WWOX: variants seen among roughly 807,000 people sequenced by gnomAD.
The protein encoded by WWOX is WW domain containing oxidoreductase.
A neutral mutation model predicts 46.2 loss-of-function variants in WWOX; 69 were observed. The observed-to-expected ratio is 1.49, with a 90% confidence interval of 1.23 to 1.82. The LOEUF is 1.82. WWOX is among the 40% of genes most tolerant of loss of function. The probability of loss-of-function intolerance (pLI) is 0.00; values close to 1 mark genes in which losing one functional copy is unlikely to be tolerated. For synonymous variants in WWOX, 359 were observed against 202.6 expected (o/e 1.77, Z -6.56); for missense variants, 919 against 542.6 (o/e 1.69, Z -6.89).
chr16:78,334,174 A>G (rs996743859), intron 5 of WWOX, among the ~76,000 whole-genome samples: 3 of 152,222 alleles, frequency 2.0e-5, no homozygotes, highest in Admixed American at 1.3e-4. Flanking sequence ...CATTCGCCTA[A>G]TGTAATGCCA....
intron 8 of WWOX, among the ~76,000 whole-genome samples, chr16:78,674,261 C>G (rs115176097): frequency 6.7e-6 from 1 of 148,616 alleles, no homozygotes; most frequent in African/African-American, 2.5e-5. Context: ...CCATCCAACT[C>G]GTTCCAACCA....
chr16:78,842,083 G>C (rs914212985), intron 8 of WWOX, among the ~76,000 whole-genome samples: 4 of 152,180 alleles, frequency 2.6e-5, no homozygotes, highest in African/African-American at 9.7e-5. Context: ...GGGTGCCTTT[G>C]TGGAAGTGTG....
At chr16:78,806,775 G>T (rs1290008641) in intron 8 of WWOX, among the ~76,000 whole-genome samples, 1 of 152,190 alleles carries the variant, frequency 6.6e-6, no homozygotes, top group Non-Finnish European at 1.5e-5. Flanking sequence ...TTTGCAGTGA[G>T]AGGAAATAGA....
Position 78,579,107 on chromosome 16 carries a change from G to C in WWOX, c.1056+146355G>C, listed in dbSNP as rs111520591. ...CATCATGTTTGGTCTCTCGTCTTTGGCTGTGTTTTTCTGTTTCTAGTTATT... is the reference window on the plus strand; with the variant it reads ...CATCATGTTTGGTCTCTCGTCTTTGCCTGTGTTTTTCTGTTTCTAGTTATT... On this transcript the variant is annotated intron_variant, in intron 8 of 8. Coordinates refer to ENST00000566780, the MANE Select transcript of WWOX (RefSeq NM_016373.4). Among the ~76,000 whole-genome samples, 629 of 152,060 alleles carry C rather than the reference G, an allele frequency of 4.1e-3. 3 individuals are homozygous for C. The highest frequency in any genetic ancestry group is 0.014 in the African/African-American group (595 of 41,452).
intron 8 of WWOX, among the ~76,000 whole-genome samples, chr16:78,715,828 C>G (rs537619465): frequency 2.4e-4 from 36 of 152,302 alleles, no homozygotes; most frequent in Admixed American, 5.2e-4. Flanking sequence ...AATCTATCAA[C>G]TCCCTTCTGC....
At chr16:78,185,047 G>T (rs1471039262) in intron 5 of WWOX, among the ~76,000 whole-genome samples, 1 of 152,122 alleles carries the variant, frequency 6.6e-6, no homozygotes, top group African/African-American at 2.4e-5. Context: ...AGAGAGGGAT[G>T]TGCTGACCCT....
intron 8 of WWOX, chr16:78,525,487 G>A (rs2941952): frequency 0.84 from 127,572 of 152,162 alleles, 54,396 homozygotes; most frequent in East Asian, 1. Context: ...ACCCGGCCCA[G>A]ATTTTCTTAT....
intron 4 of WWOX, among the ~76,000 whole-genome samples, chr16:78,162,423 C>G (rs921849463): frequency 6.6e-5 from 10 of 152,006 alleles, no homozygotes; most frequent in Admixed American, 5.9e-4. Context: ...TACACACATA[C>G]AGATACACAC....
intron 8 of WWOX, among the ~76,000 whole-genome samples, chr16:79,158,040 T>C (rs2050415867): frequency 6.6e-6 from 1 of 152,112 alleles, no homozygotes; most frequent in African/African-American, 2.4e-5. Flanking sequence ...AGTGAGTTGT[T>C]TGCTGCCTCT....
chr16:78,822,755 C>T (rs942194423), intron 8 of WWOX, among the ~76,000 whole-genome samples: 2 of 152,018 alleles, frequency 1.3e-5, no homozygotes, highest in Admixed American at 1.3e-4. Flanking sequence ...GGTTGGAATG[C>T]AAGGGAACTA....
intron 8 of WWOX, among the ~76,000 whole-genome samples, chr16:78,856,443 G>C (rs909289183): frequency 4.9e-4 from 75 of 152,288 alleles, no homozygotes; most frequent in African/African-American, 1.7e-3. Flanking sequence ...AAGAGTTCGA[G>C]ACCAGCCTGG....
At chr16:78,696,865 C>G (rs965723113) in intron 8 of WWOX, among the ~76,000 whole-genome samples, 6 of 152,094 alleles carry the variant, frequency 3.9e-5, no homozygotes, top group South Asian at 2.1e-4. Flanking sequence ...ATTCTTATGC[C>G]TTTACATCCT....
chr16:78,972,933 A>C (rs2046500350), intron 8 of WWOX, among the ~76,000 whole-genome samples: 1 of 152,210 alleles, frequency 6.6e-6, no homozygotes, highest in East Asian at 1.9e-4. Context: ...CGAAGGGCTG[A>C]GTAATTGACA....
At chr16:78,298,608 A>G (rs1373258591) in intron 5 of WWOX, among the ~76,000 whole-genome samples, 2 of 152,172 alleles carry the variant, frequency 1.3e-5, no homozygotes, top group East Asian at 1.9e-4. Context: ...CCTGACCAAC[A>G]TGGAGAAACC....
intron 8 of WWOX, among the ~76,000 whole-genome samples, chr16:79,188,029 C>A (rs1209916043): frequency 1.3e-5 from 2 of 152,210 alleles, no homozygotes; most frequent in Non-Finnish European, 2.9e-5. Context: ...ACACAAATTC[C>A]TTCTCCCACT....
chr16:78,567,335 G>A (rs2044594121), intron 8 of WWOX, among the ~76,000 whole-genome samples: 1 of 151,834 alleles, frequency 6.6e-6, no homozygotes, highest in Admixed American at 6.6e-5. Context: ...CACGAGGTCA[G>A]GAGATCGAGA....
chr16:78,333,290 C>T (rs1166588257), intron 5 of WWOX, among the ~76,000 whole-genome samples: 2 of 133,794 alleles, frequency 1.5e-5, no homozygotes. Flanking sequence ...CTCAGGTGAT[C>T]CGCCTGCCTT....
chr16:78,333,640 CTTCA>C (rs2080815885), intron 5 of WWOX, among the ~76,000 whole-genome samples: 1 of 152,080 alleles, frequency 6.6e-6, no homozygotes, highest in Non-Finnish European at 1.5e-5. Context: ...TATAGGAGTA[CTTCA>C]TTAAGTCTCC....
intron 8 of WWOX, among the ~76,000 whole-genome samples, chr16:78,780,782 G>A (rs981348679): frequency 6.6e-6 from 1 of 152,210 alleles, no homozygotes; most frequent in Admixed American, 6.5e-5. Context: ...CGTATGGCTA[G>A]CATAGGATGG....
Sources: allele counts gnomAD v4.1 joint callset (sites outside exome capture counted in the v4.1 genomes callset), GRCh38; gene constraint gnomAD v4.1.1; transcripts MANE v1.5; gene names NCBI Gene and HGNC (gene_info 2026-07-23, HGNC 2026-07-21).